Variants in TTC6 observed in about 807,000 individuals in gnomAD.
The protein encoded by TTC6 is tetratricopeptide repeat protein 6.
In TTC6, 172 loss-of-function variants were observed where a neutral mutation model predicts 210.4. The observed-to-expected ratio is 0.82, with a 90% CI of 0.72 to 0.93. TTC6 has a LOEUF of 0.93. Among genes scored for constraint, TTC6 ranks in the 40% least tolerant of loss-of-function variants. The pLI, the probability that TTC6 is intolerant of heterozygous loss-of-function variation, is 0.00. For missense variants in TTC6, 2,414 were observed against 2,318.1 expected, an observed-to-expected ratio of 1.04 and a Z score of -0.85; for synonymous variants, 804 against 819.6, an observed-to-expected ratio of 0.98 and a Z score of 0.32.
Position 37,598,133 on chromosome 14 carries a change from C to T in TTC6, c.-235+2125C>T, listed in dbSNP as rs1291886876. 1.3e-5 allele frequency among the ~76,000 whole-genome samples: 2 copies of T among 152,230 alleles called. No homozygotes were observed. The highest frequency in any genetic ancestry group is 2.1e-4 in the South Asian group (1 of 4,832). On this transcript the variant is annotated intron_variant, in intron 1 of 2. Transcript: ENST00000556845. This position sits in a 1 kb window ranked among gnomAD's most constrained non-coding sequence, Gnocchi z 4.9. ...GCTGCAGCCTGCTCTTTTCCAACCT[C>T]TTTTCCCAAATAGGCACCTACACCA...
chr14:37,765,913 T>C (rs1386404350), intron 14 of TTC6, among the ~76,000 whole-genome samples: 7 of 152,176 alleles, frequency 4.6e-5, no homozygotes, highest in Admixed American at 3.9e-4. Context: ...TTAGTCTTAT[T>C]GAAGATCCTT....
intron 10 of TTC6, among the ~76,000 whole-genome samples, chr14:37,742,307 A>G (rs2095922613): frequency 6.6e-6 from 1 of 152,114 alleles, no homozygotes; most frequent in Non-Finnish European, 1.5e-5. Flanking sequence ...GTGCTGCTGC[A>G]TTCCTCAGAG....
chr14:37,732,173 CTTTTTTTTTTTTTTTTTT>C (rs61444309), intron 7 of TTC6, among the ~76,000 whole-genome samples: 1 of 57,588 alleles, frequency 1.7e-5, no homozygotes, highest in Non-Finnish European at 3.0e-5. Flanking sequence ...GTACTGTATT[CTTTTTTTTTTTTTTTTTT>C]TTTTTTTTTG....
At chr14:37,746,731 C>T (rs1028598574) in intron 10 of TTC6, among the ~76,000 whole-genome samples, 1 of 152,094 alleles carries the variant, frequency 6.6e-6, no homozygotes, top group Non-Finnish European at 1.5e-5. Context: ...TGAGTGATTT[C>T]AGGGCATGCT....
chr14:37,816,912 T>C, intron 25 of TTC6, among the ~76,000 whole-genome samples: 1 of 152,296 alleles, frequency 6.6e-6, no homozygotes, highest in African/African-American at 2.4e-5. Flanking sequence ...GGATCTCTTG[T>C]GGACTTAGCC....
intron 3 of TTC6, among the ~76,000 whole-genome samples, chr14:37,688,171 G>T (rs2095797410): frequency 6.6e-6 from 1 of 152,184 alleles, no homozygotes. Flanking sequence ...ACTCCTCGTG[G>T]GCCTGAGATG....
At chr14:37,648,295 C>T (rs1290708533) in intron 1 of TTC6, among the ~76,000 whole-genome samples, 1 of 152,156 alleles carries the variant, frequency 6.6e-6, no homozygotes, top group Non-Finnish European at 1.5e-5. Flanking sequence ...ATTAGGTTCA[C>T]TTCCTTTCTC....
chr14:37,644,388 C>G (rs1175404011), intron 1 of TTC6, among the ~76,000 whole-genome samples: 1 of 152,204 alleles, frequency 6.6e-6, no homozygotes, highest in African/African-American at 2.4e-5. Flanking sequence ...AACATAGCTG[C>G]ATCAGTTATC....
intron 1 of TTC6, among the ~76,000 whole-genome samples, chr14:37,675,084 A>G (rs952319228): frequency 6.6e-6 from 1 of 152,052 alleles, no homozygotes; most frequent in Admixed American, 6.6e-5. Context: ...GTGAATTCAT[A>G]TAATGTAAAA....
In TTC6 at chr14:37,647,770, C is replaced by G. The variant is rs143516963; in HGVS notation, c.939+24767C>G. Among the ~76,000 whole-genome samples the G allele has an allele frequency of 2.3e-3, 356 of 151,952 alleles. 2 individuals carry two copies. The highest frequency in any genetic ancestry group is 8.0e-3 in the African/African-American group (332 of 41,420). On this transcript the variant is annotated intron_variant, in intron 1 of 30. Transcript: ENST00000553443. ...GAGATGACCCGGGGGATAAGTGTAG[C>G]TAGAAAGCAAAAGAGACCTAAGGGC...
rs1276518150 is a variant in TTC6 at position 37,769,212 on chromosome 14, T to G, written c.3266+15977T>G. Among the ~76,000 whole-genome samples the G allele has an allele frequency of 3.9e-5, 6 of 152,074 alleles. No homozygotes were observed. In the East Asian group the frequency reaches 1.2e-3, roughly 29 times the overall value. On this transcript the variant is annotated intron_variant, in intron 14 of 30. Transcript: ENST00000553443. ...TGCTGGATTCGTTTTGCCAGTATTT[T>G]ATTGAGGATTTTTGCATCAATGTTC...
intron 29 of TTC6, among the ~76,000 whole-genome samples, chr14:37,833,013 G>A (rs190410903): frequency 1.3e-4 from 20 of 149,248 alleles, no homozygotes; most frequent in Admixed American, 1.1e-3. Flanking sequence ...AGCTGAGATT[G>A]TGTCACTGCA....
At chr14:37,628,309 G>T (rs1253125233) in intron 1 of TTC6, among the ~76,000 whole-genome samples, 1 of 152,120 alleles carries the variant, frequency 6.6e-6, no homozygotes, top group Non-Finnish European at 1.5e-5. Context: ...ATTCTAACTG[G>T]CATGAGATGG....
At chr14:37,733,339 C>T (rs537461401) in intron 7 of TTC6, among the ~76,000 whole-genome samples, 25 of 152,050 alleles carry the variant, frequency 1.6e-4, no homozygotes, top group African/African-American at 5.5e-4. Context: ...ATGTCAGACA[C>T]TTATATCTGG....
chr14:37,690,065 ATAAAGT>A (rs766830695), intron 3 of TTC6, among the ~76,000 whole-genome samples: 1 of 152,174 alleles, frequency 6.6e-6, no homozygotes, highest in Admixed American at 6.5e-5. Flanking sequence ...AAGCAGAAGA[ATAAAGT>A]TAAAGTGTAG....
chr14:37,699,927 T>G (rs2138672037), intron 4 of TTC6, among the ~76,000 whole-genome samples: 1 of 152,148 alleles, frequency 6.6e-6, no homozygotes, highest in Middle Eastern at 3.4e-3. Context: ...CCACACCCAG[T>G]TTGGAAACTG....
At chr14:37,777,168 A>G (rs2096040239) in intron 14 of TTC6, among the ~76,000 whole-genome samples, 1 of 152,174 alleles carries the variant, frequency 6.6e-6, no homozygotes, top group Admixed American at 6.5e-5. Context: ...GGAGATTTTC[A>G]TGGATGATAT....
intron 1 of TTC6, among the ~76,000 whole-genome samples, chr14:37,634,962 AT>A (rs2095677317): frequency 3.9e-5 from 6 of 152,304 alleles, no homozygotes; most frequent in African/African-American, 1.4e-4. Context: ...CCCTAGAAGG[AT>A]GAGTAAAGGA....
chr14:37,688,298 A>G (rs2095797577), intron 3 of TTC6, among the ~76,000 whole-genome samples: 1 of 152,126 alleles, frequency 6.6e-6, no homozygotes, highest in South Asian at 2.1e-4. Context: ...TGCCAGATGG[A>G]CGTCTAAGGT....
Sources: allele counts gnomAD v4.1 joint callset (sites outside exome capture counted in the v4.1 genomes callset), GRCh38; gene constraint gnomAD v4.1.1; non-coding constraint Gnocchi (gnomAD v3.1); transcripts MANE v1.5; gene names NCBI Gene and HGNC (gene_info 2026-07-23, HGNC 2026-07-21).